The following CNTNAP2 variants were observed in gnomAD, a reference collection of about 807,000 sequenced individuals.
CNTNAP2 encodes the protein contactin-associated protein-like 2.
CNTNAP2 carries 98 observed loss-of-function variants against 155.2 expected under a neutral mutation model. That is an observed-to-expected ratio of 0.63 (90% CI 0.54 to 0.75). The LOEUF (loss-of-function observed/expected upper bound fraction) is 0.75. Among genes scored for constraint, CNTNAP2 ranks in the 30% least tolerant of loss-of-function variants. The pLI, the probability that CNTNAP2 is intolerant of heterozygous loss-of-function variation, is 0.00. For missense variants in CNTNAP2, 1,727 were observed against 1,688.1 expected, an observed-to-expected ratio of 1.02 and a Z score of -0.40; for synonymous variants, 651 against 631.2, an observed-to-expected ratio of 1.03 and a Z score of -0.47.
intron 8 of CNTNAP2, among the ~76,000 whole-genome samples, chr7:147,271,801 T>C (rs972849332): frequency 6.6e-6 from 1 of 152,220 alleles, no homozygotes; most frequent in Non-Finnish European, 1.5e-5. Context: ...CTTGGAATTT[T>C]GGGAGCTACA....
intron 10 of CNTNAP2, among the ~76,000 whole-genome samples, chr7:147,397,778 T>A (rs1796844388): frequency 1.3e-5 from 2 of 151,830 alleles, no homozygotes; most frequent in African/African-American, 4.8e-5. Flanking sequence ...AAATTTTTTT[T>A]TTTTTTTGCC....
At chr7:147,060,235 A>G (rs985396391) in intron 4 of CNTNAP2, among the ~76,000 whole-genome samples, 6 of 152,132 alleles carry the variant, frequency 3.9e-5, no homozygotes, top group African/African-American at 1.4e-4. Context: ...CTATAGTACA[A>G]TTTTTCCTAA....
At chr7:147,938,898 G>A (rs1034121328) in intron 14 of CNTNAP2, among the ~76,000 whole-genome samples, 1 of 152,102 alleles carries the variant, frequency 6.6e-6, no homozygotes, top group Admixed American at 6.5e-5. Flanking sequence ...GGAGGCTTAA[G>A]GCTACTCATC....
At chr7:147,775,909 C>T (rs1335708307) in intron 13 of CNTNAP2, among the ~76,000 whole-genome samples, 1 of 152,038 alleles carries the variant, frequency 6.6e-6, no homozygotes, top group Admixed American at 6.6e-5. Flanking sequence ...AAGCTGTTTT[C>T]AGAACTTTGA....
At chr7:147,095,457 G>A (rs1048530211) in intron 4 of CNTNAP2, among the ~76,000 whole-genome samples, 11 of 151,478 alleles carry the variant, frequency 7.3e-5, no homozygotes, top group Non-Finnish European at 1.5e-4. Context: ...TTTAACATAG[G>A]AATTTTGGGA....
At chr7:147,130,453 C>G (rs190581641) in intron 7 of CNTNAP2, among the ~76,000 whole-genome samples, 285 of 151,402 alleles carry the variant, frequency 1.9e-3, no homozygotes, top group African/African-American at 6.6e-3. Flanking sequence ...CTCTGTCCCC[C>G]CAAAAATAAA....
intron 1 of CNTNAP2, among the ~76,000 whole-genome samples, chr7:146,376,915 C>A (rs1795311714): frequency 6.6e-6 from 1 of 152,148 alleles, no homozygotes; most frequent in South Asian, 2.1e-4. Flanking sequence ...GAGGCCACTG[C>A]ATTCAAAGCA....
intron 20 of CNTNAP2, among the ~76,000 whole-genome samples, chr7:148,266,707 C>G (rs968439282): frequency 7.2e-5 from 11 of 152,138 alleles, no homozygotes; most frequent in Admixed American, 7.2e-4. Flanking sequence ...GAGGCTGACA[C>G]TGGAGATTGG....
chr7:146,201,090 A>G (rs7784386), intron 1 of CNTNAP2, among the ~76,000 whole-genome samples: 16,792 of 152,142 alleles, frequency 0.11, 1,232 homozygotes, highest in Non-Finnish European at 0.17. Context: ...GATTTTCCAT[A>G]TTTTTGTTAG....
intron 13 of CNTNAP2, among the ~76,000 whole-genome samples, chr7:147,796,731 C>A (rs1797902303): frequency 6.6e-6 from 1 of 152,174 alleles, no homozygotes; most frequent in Non-Finnish European, 1.5e-5. Context: ...GGCAAGGATG[C>A]ACAGAGATGC....
intron 1 of CNTNAP2, among the ~76,000 whole-genome samples, chr7:146,288,793 A>ATTTTTTTTTT (rs757136036): frequency 2.0e-5 from 2 of 100,016 alleles, no homozygotes; most frequent in African/African-American, 1.1e-4. Flanking sequence ...AAAATTAGTA[A>ATTTTTTTTTT]TTTTTTTTTT....
At chr7:147,550,257 T>C (rs1332961900) in intron 11 of CNTNAP2, among the ~76,000 whole-genome samples, 1 of 152,202 alleles carries the variant, frequency 6.6e-6, no homozygotes, top group Non-Finnish European at 1.5e-5. Flanking sequence ...CACCCAAATC[T>C]CACCTTAAAT....
rs1213005190 is a variant in CNTNAP2 at position 148,242,561 on chromosome 7, A to G, written c.3381+12782A>G. Among the ~76,000 whole-genome samples, 4 of 152,256 alleles carry G rather than the reference A, an allele frequency of 2.6e-5. 1 individual carries two copies. The highest frequency in any genetic ancestry group is 5.9e-5 in the Non-Finnish European group (4 of 68,050). Reference sequence around the variant, plus strand: ...AAACACCGACCAAAACCAGAGTCCTAGGTTATAGCGCGGGTTACTTGCATC... The same window carrying G: ...AAACACCGACCAAAACCAGAGTCCTGGGTTATAGCGCGGGTTACTTGCATC... On this transcript the variant is annotated intron_variant, in intron 20 of 23. Coordinates refer to ENST00000361727, the MANE Select transcript of CNTNAP2 (RefSeq NM_014141.6).
Position 146,226,634 on chromosome 7 carries a change from TG to T in CNTNAP2, c.97+109664del, listed in dbSNP as rs1799297360. On this transcript the variant is annotated intron_variant, in intron 1 of 23. Coordinates refer to ENST00000361727, the MANE Select transcript of CNTNAP2 (RefSeq NM_014141.6). ...AAGATCATGTCACTGCACTCCAGCCTGGGAGACAGAGTGAGACCTTGAGACT... is the reference window on the plus strand; with the variant it reads ...AAGATCATGTCACTGCACTCCAGCCTGGAGACAGAGTGAGACCTTGAGACT... 2.0e-5 allele frequency among the ~76,000 whole-genome samples: 3 copies of T among 152,238 alleles called. No individual in the cohort carries two copies. In the South Asian group the frequency reaches 6.2e-4, roughly 32 times the overall value.
chr7:147,539,350 A>G (rs1423470031), intron 11 of CNTNAP2, among the ~76,000 whole-genome samples: 2 of 152,142 alleles, frequency 1.3e-5, no homozygotes, highest in Admixed American at 1.3e-4. Context: ...CCTTCTACAG[A>G]TAATGGAACT....
intron 15 of CNTNAP2, among the ~76,000 whole-genome samples, chr7:147,978,752 C>T (rs1055390483): frequency 3.9e-5 from 6 of 152,090 alleles, no homozygotes; most frequent in African/African-American, 1.4e-4. Flanking sequence ...TTCTGGGACA[C>T]GTGGTTTAGG....
Position 146,488,423 on chromosome 7 carries a change from G to GA in CNTNAP2, c.98-285841dup, listed in dbSNP as rs939857242. Among the ~76,000 whole-genome samples the GA allele has an allele frequency of 4.0e-5, 6 of 150,656 alleles. No individual in the cohort carries two copies. In the East Asian group the frequency reaches 7.8e-4, roughly 20 times the overall value. On this transcript the variant is annotated intron_variant, in intron 1 of 23. Coordinates refer to ENST00000361727, the MANE Select transcript of CNTNAP2 (RefSeq NM_014141.6). ...AGCTATGTCATAAATTTCATTTATT[G>GA]AAAAAAACTGTGTGAAATCAGGACT...
rs1219353054 is a variant in CNTNAP2, at chr7:147,389,890, C to T, written c.1499-5719C>T. 4.6e-5 allele frequency among the ~76,000 whole-genome samples: 7 copies of T among 152,160 alleles called. No homozygotes were observed. In the South Asian group the frequency reaches 1.2e-3, roughly 27 times the overall value. On this transcript the variant is annotated intron_variant, in intron 9 of 23. Transcript: ENST00000361727. ...TAACTTTATATTTTTACTAACTTGA[C>T]AATTCGTTACATTCACTTTATTTCC...
chr7:146,266,328 T>C (rs1217858733), intron 1 of CNTNAP2, among the ~76,000 whole-genome samples: 1 of 152,250 alleles, frequency 6.6e-6, no homozygotes, highest in African/African-American at 2.4e-5. Context: ...CTTCTGGTTT[T>C]CTGAGCCAGT....
Sources: allele counts gnomAD v4.1 joint callset (sites outside exome capture counted in the v4.1 genomes callset), GRCh38; gene constraint gnomAD v4.1.1; transcripts MANE v1.5; gene names NCBI Gene and HGNC (gene_info 2026-07-23, HGNC 2026-07-21).